LDB2: variants seen among roughly 807,000 people sequenced by gnomAD.
LDB2 encodes LIM domain binding 2, also known as LIM domain-binding protein 2.
LDB2 carries 12 observed loss-of-function variants against 44.3 expected under a neutral mutation model. The observed-to-expected ratio is 0.27, with a 90% CI of 0.17 to 0.44. LDB2 has a LOEUF of 0.44. Ranked by LOEUF, LDB2 falls within the 20% of genes least tolerant of loss-of-function variation. LDB2 has a pLI of 1.00. For synonymous variants in LDB2, 164 were observed against 174.8 expected (o/e 0.94, Z 0.49); for missense variants, 344 against 473.5 (o/e 0.73, Z 2.54).
At chr4:16,835,845 C>T (rs1054904035) in intron 1 of LDB2, among the ~76,000 whole-genome samples, 12 of 152,108 alleles carry the variant, frequency 7.9e-5, no homozygotes, top group South Asian at 6.2e-4. Flanking sequence ...CTCATTTTTC[C>T]GAGGTGGGAA....
chr4:16,867,686 CG>C (rs751129983), intron 1 of LDB2, among the ~76,000 whole-genome samples: 23 of 152,036 alleles, frequency 1.5e-4, no homozygotes, highest in Non-Finnish European at 2.2e-4. Flanking sequence ...AGTAATTCAT[CG>C]GCAAAAGATG....
At chr4:16,672,510 C>T (rs766995826) in intron 2 of LDB2, among the ~76,000 whole-genome samples, 8 of 152,166 alleles carry the variant, frequency 5.3e-5, no homozygotes, top group Admixed American at 2.0e-4. Flanking sequence ...CCCTTACTTT[C>T]TTGTGTTCTA....
chr4:16,555,770 G>T (rs573178772), intron 5 of LDB2, among the ~76,000 whole-genome samples: 1 of 152,166 alleles, frequency 6.6e-6, no homozygotes, highest in Non-Finnish European at 1.5e-5. Flanking sequence ...GCATAGGCAG[G>T]TGTTTAGATT....
At chr4:16,793,509 C>T (rs574809866) in intron 1 of LDB2, among the ~76,000 whole-genome samples, 3 of 152,270 alleles carry the variant, frequency 2.0e-5, no homozygotes, top group Admixed American at 1.3e-4. Flanking sequence ...TATTTTTAAT[C>T]GTGCAGGTCT....
In LDB2 at chr4:16,666,396, C is replaced by T. The variant is rs572703870; in HGVS notation, c.236-70521G>A. On this transcript the variant is annotated intron_variant, in intron 2 of 7. Transcript: ENST00000304523. Reference sequence around the variant, plus strand: ...CTGAGAAGAAAGGGAGCCTCGTGAGCCTGCAGCTGTCCTCCAAACTGCAGC... The same window carrying T: ...CTGAGAAGAAAGGGAGCCTCGTGAGTCTGCAGCTGTCCTCCAAACTGCAGC... Among the ~76,000 whole-genome samples, 6 of 152,304 alleles carry T rather than the reference C, an allele frequency of 3.9e-5. No individual in the cohort carries two copies. In the East Asian group the frequency reaches 1.2e-3, roughly 29 times the overall value.
At chr4:16,898,323 A>G (rs7690911) in intron 1 of LDB2, 31 bp downstream of exon 1, 144,034 of 1,600,284 alleles carry the variant, frequency 0.09, 7,790 homozygotes, top group African/African-American at 0.24. Context: ...ACAAAAATAC[A>G]CAAACACATC....
chr4:16,506,146 T>C lies in LDB2; in HGVS notation c.891+2389A>G, dbSNP rs1435542685. On this transcript the variant is annotated intron_variant, in intron 7 of 7. Coordinates refer to ENST00000304523, the MANE Select transcript of LDB2 (RefSeq NM_001290.5). ...GCAGGTAGCATCTCTAGTTAACCAG[T>C]AGAATAGTGTTGATAACTCAGTAGA... 4.8e-6 allele frequency: 3 copies of C among 623,548 alleles called. No individual in the cohort carries two copies. The African/African-American group carries it at 5.5e-5, about 12-fold the overall frequency. The allele number at this position is 623,548 out of a possible 1,614,324, so 38.6% of individuals were successfully genotyped here.
At chr4:16,720,405 G>A (rs1758011924) in intron 2 of LDB2, among the ~76,000 whole-genome samples, 1 of 152,124 alleles carries the variant, frequency 6.6e-6, no homozygotes. Context: ...CCATTGGCCT[G>A]CCAAATAATT....
intron 1 of LDB2, among the ~76,000 whole-genome samples, chr4:16,897,874 T>A (rs1725503573): frequency 7.1e-6 from 1 of 141,560 alleles, no homozygotes; most frequent in Non-Finnish European, 1.5e-5. Flanking sequence ...GCAGACTTCC[T>A]CTAGGATTTG....
chr4:16,703,975 A>C (rs1754052638), intron 2 of LDB2, among the ~76,000 whole-genome samples: 2 of 152,168 alleles, frequency 1.3e-5, no homozygotes, highest in African/African-American at 4.8e-5. Context: ...GATTTCTTTC[A>C]ATTGTATATA....
At position 16,595,964 on chromosome 4, in the gene LDB2, C is replaced by A. The variant is rs1023568402; in HGVS notation, c.236-89G>T. On this transcript the variant is annotated intron_variant, in intron 2 of 7. Coordinates refer to ENST00000304523, the MANE Select transcript of LDB2 (RefSeq NM_001290.5). ...ACACCATTGCCAAACCTCCTAAAACCGGATACTGATCATCTCAAGAAACCA... is the reference window on the plus strand; with the variant it reads ...ACACCATTGCCAAACCTCCTAAAACAGGATACTGATCATCTCAAGAAACCA... 8 of 1,293,932 alleles carry A rather than the reference C, an allele frequency of 6.2e-6. No homozygotes were observed. In the Admixed American group the frequency reaches 1.3e-4, roughly 21 times the overall value. 80.2% of individuals were successfully genotyped at this position (1,293,932 alleles called of 1,614,324 possible). A position where few individuals can be genotyped will look rare whatever the true frequency, so the allele number is the denominator to read the frequency against.
At chr4:16,516,410 G>C (rs1305861948) in intron 5 of LDB2, among the ~76,000 whole-genome samples, 6 of 152,096 alleles carry the variant, frequency 3.9e-5, no homozygotes, top group Non-Finnish European at 7.4e-5. Context: ...AACATTTATT[G>C]AGCTTCCTCC....
chr4:16,799,864 T>C (rs1253812900), intron 1 of LDB2, among the ~76,000 whole-genome samples: 1 of 152,220 alleles, frequency 6.6e-6, no homozygotes, highest in Admixed American at 6.5e-5. Context: ...TTGACATACT[T>C]ATACTAAAAA....
intron 2 of LDB2, among the ~76,000 whole-genome samples, chr4:16,711,673 G>T (rs1755899716): frequency 6.6e-6 from 1 of 152,262 alleles, no homozygotes; most frequent in South Asian, 2.1e-4. Flanking sequence ...ACCAGTTAAG[G>T]ACCTGATTTC....
intron 1 of LDB2, among the ~76,000 whole-genome samples, chr4:16,763,510 C>G (rs1304368541): frequency 6.8e-6 from 1 of 147,110 alleles, no homozygotes; most frequent in African/African-American, 2.5e-5. Flanking sequence ...TATGACAGAA[C>G]AAATGTTTAT....
chr4:16,801,277 T>C (rs73245315), intron 1 of LDB2, among the ~76,000 whole-genome samples: 2,942 of 152,294 alleles, frequency 0.019, 38 homozygotes, highest in Non-Finnish European at 0.028. Context: ...GTTGCAATTA[T>C]TGTTTAATTG....
chr4:16,890,234 A>C (rs998543085), intron 1 of LDB2, among the ~76,000 whole-genome samples: 4 of 152,208 alleles, frequency 2.6e-5, no homozygotes, highest in Non-Finnish European at 5.9e-5. Flanking sequence ...TTAAAACCAG[A>C]GCAAGGAGTT....
chr4:16,746,958 A>G (rs1326152796), intron 2 of LDB2, among the ~76,000 whole-genome samples: 1 of 152,186 alleles, frequency 6.6e-6, no homozygotes, highest in Non-Finnish European at 1.5e-5. Flanking sequence ...AATAGAAGGA[A>G]CACAATGGAA....
At chr4:16,884,537 A>C (rs1332624927) in intron 1 of LDB2, among the ~76,000 whole-genome samples, 1 of 151,996 alleles carries the variant, frequency 6.6e-6, no homozygotes, top group African/African-American at 2.4e-5. Context: ...ATATAATATC[A>C]CTTTATTTGC....
Sources: gnomAD v4.1 joint callset for allele counts (sites outside exome capture counted in the v4.1 genomes callset) on GRCh38, gnomAD v4.1.1 for gene constraint, MANE v1.5 for transcripts, NCBI Gene and HGNC (gene_info 2026-07-23, HGNC 2026-07-21) for gene names.